The following SH3PXD2B variants were observed in gnomAD, a reference collection of about 807,000 sequenced individuals.
SH3PXD2B encodes the protein SH3 and PX domain-containing protein 2B.
A neutral mutation model predicts 73.1 loss-of-function variants in SH3PXD2B; 37 were observed. That is an observed-to-expected ratio of 0.51 (90% CI 0.39 to 0.67). The LOEUF is 0.67. SH3PXD2B is among the 30% of genes least tolerant of loss of function. The probability of loss-of-function intolerance (pLI) is 0.00; values close to 1 mark genes in which losing one functional copy is unlikely to be tolerated. For missense variants in SH3PXD2B, 1,053 were observed against 1,197.8 expected, an observed-to-expected ratio of 0.88 and a Z score of 1.78; for synonymous variants, 457 against 480.5, an observed-to-expected ratio of 0.95 and a Z score of 0.64.
chr5:172,354,137 G>A, intron 8 of SH3PXD2B, 132 bp from the exon 9 acceptor site: 1 of 830,906 alleles, frequency 1.2e-6, no homozygotes, highest in Non-Finnish European at 2.0e-6. Flanking sequence ...CCCTGGCCCT[G>A]ACCTAGCCCT....
At chr5:172,435,705 C>G (rs876925) in intron 1 of SH3PXD2B, among the ~76,000 whole-genome samples, 57,633 of 152,016 alleles carry the variant, frequency 0.38, 11,143 homozygotes, top group Non-Finnish European at 0.42. Context: ...ATTATAGGTG[C>G]GAGCCATCAC....
At chr5:172,449,721 G>A (rs1189373520) in intron 1 of SH3PXD2B, among the ~76,000 whole-genome samples, 1 of 152,212 alleles carries the variant, frequency 6.6e-6, no homozygotes, top group Non-Finnish European at 1.5e-5. Flanking sequence ...ATGATACGGA[G>A]TGTTAGCAAG....
intron 6 of SH3PXD2B, among the ~76,000 whole-genome samples, chr5:172,372,477 C>G (rs74958968): frequency 0.011 from 1,655 of 152,218 alleles, 24 homozygotes; most frequent in African/African-American, 0.037. Context: ...GAACGATGAG[C>G]CAATGAAACC....
intron 1 of SH3PXD2B, among the ~76,000 whole-genome samples, chr5:172,439,692 G>GCGCGCGCACACACACACACACACA (rs1554087696): frequency 7.2e-6 from 1 of 138,542 alleles, no homozygotes; most frequent in Non-Finnish European, 1.6e-5. Context: ...GCACGCGCGC[G>GCGCGCGCACACACACACACACACA]CACACACACA....
In SH3PXD2B at chr5:172,422,510, AGAG is replaced by A. The variant is rs1424952331; in HGVS notation, c.76-17_76-15del. 3 of 1,608,418 alleles carry A rather than the reference AGAG, an allele frequency of 1.9e-6. No individual in the cohort carries two copies. Among genetic ancestry groups the A allele is most frequent in the South Asian group, 2.2e-5 (2 of 89,888 alleles). ...GATGATGTAGACCTGCGGGAGCAAC[AGAG>A]GAGATGGGTGTTAACACCAGAAGGT... On this transcript the variant is annotated splice_polypyrimidine_tract_variant and intron_variant, in intron 1 of 12. Transcript: ENST00000311601.
chr5:172,416,696 CTTTTTTTTTTTTTTTTTTT>C (rs202242720), intron 2 of SH3PXD2B, among the ~76,000 whole-genome samples: 4 of 62,250 alleles, frequency 6.4e-5, no homozygotes, highest in African/African-American at 2.4e-4. Context: ...CTCTCTCTCT[CTTTTTTTTTTTTTTTTTTT>C]TTTTTTTTTT....
At chr5:172,422,586 GA>G in intron 1 of SH3PXD2B, 90 bp from the exon 2 acceptor site, 1 of 1,258,328 alleles carries the variant, frequency 7.9e-7, no homozygotes, top group Non-Finnish European at 1.1e-6. Context: ...CTCAGAGTCA[GA>G]AAGACGTGGG....
chr5:172,374,742 A>C (rs1224329951), intron 5 of SH3PXD2B, among the ~76,000 whole-genome samples: 2 of 152,166 alleles, frequency 1.3e-5, no homozygotes, highest in African/African-American at 4.8e-5. Context: ...AGGGCTTACA[A>C]AGCACTTTAA....
At chr5:172,369,723 G>A (rs967892445) in intron 6 of SH3PXD2B, among the ~76,000 whole-genome samples, 9 of 152,044 alleles carry the variant, frequency 5.9e-5, no homozygotes, top group Admixed American at 2.0e-4. Flanking sequence ...AGCCGAGATC[G>A]CACCACTGAA....
chr5:172,350,198 GATCTGGAATA>G (rs1757127309), intron 10 of SH3PXD2B, among the ~76,000 whole-genome samples, 155 bp downstream of exon 10: 1 of 152,170 alleles, frequency 6.6e-6, no homozygotes, highest in African/African-American at 2.4e-5. Flanking sequence ...CGGGCTGAAT[GATCTGGAATA>G]AGTTACCCGG....
chr5:172,411,445 T>A (rs1758690646), intron 2 of SH3PXD2B, among the ~76,000 whole-genome samples: 2 of 125,300 alleles, frequency 1.6e-5, no homozygotes, highest in South Asian at 5.0e-4. Context: ...CTGAAAGGCC[T>A]CCCTTTGTTT....
intron 1 of SH3PXD2B, among the ~76,000 whole-genome samples, chr5:172,450,178 A>G (rs1464230760): frequency 2.6e-5 from 4 of 152,126 alleles, no homozygotes; most frequent in African/African-American, 9.7e-5. Context: ...TGAATTGCAC[A>G]CTTACAATGG....
chr5:172,360,116 T>C (rs1541916), intron 7 of SH3PXD2B, among the ~76,000 whole-genome samples: 58,470 of 152,050 alleles, frequency 0.38, 11,643 homozygotes, highest in East Asian at 0.65. Context: ...ATAATAAATA[T>C]GTGCTGTCGG....
In SH3PXD2B at chr5:172,454,263, C is replaced by G; in HGVS notation, c.75+15G>C. 1.3e-6 allele frequency: 2 copies of G among 1,592,800 alleles called. No homozygotes were observed. The highest frequency in any genetic ancestry group is 1.7e-6 in the Non-Finnish European group (2 of 1,172,972). Reference sequence around the variant, plus strand: ...GCGCGGGCTCAAGGGGGCGTGGGGGCCGCGCCGCACTCACATAATGCTTGT... The same window carrying G: ...GCGCGGGCTCAAGGGGGCGTGGGGGGCGCGCCGCACTCACATAATGCTTGT... On this transcript the variant is annotated intron_variant, in intron 1 of 12. Transcript: ENST00000311601.
chr5:172,440,587 C>A (rs1759533265), intron 1 of SH3PXD2B, among the ~76,000 whole-genome samples: 1 of 152,192 alleles, frequency 6.6e-6, no homozygotes, highest in Admixed American at 6.5e-5. Flanking sequence ...CTGCAGAAGT[C>A]AAGACAGTTC....
At chr5:172,343,100 T>C (rs1756895573) in intron 12 of SH3PXD2B, among the ~76,000 whole-genome samples, 1 of 152,228 alleles carries the variant, frequency 6.6e-6, no homozygotes, top group Non-Finnish European at 1.5e-5. Flanking sequence ...GCTGCTGCGA[T>C]TAAATTAGAG....
chr5:172,431,841 C>CT (rs1308730611), intron 1 of SH3PXD2B, among the ~76,000 whole-genome samples: 3 of 152,226 alleles, frequency 2.0e-5, no homozygotes, highest in Non-Finnish European at 2.9e-5. Flanking sequence ...CAATACATAA[C>CT]TTTGTTGCGT....
intron 3 of SH3PXD2B, among the ~76,000 whole-genome samples, chr5:172,399,113 C>A (rs1177818237): frequency 6.6e-6 from 1 of 152,208 alleles, no homozygotes; most frequent in Non-Finnish European, 1.5e-5. Flanking sequence ...GCTTGAAGTT[C>A]AAGCTGCCTT....
chr5:172,441,708 A>G (rs542271058), intron 1 of SH3PXD2B, among the ~76,000 whole-genome samples: 90 of 152,214 alleles, frequency 5.9e-4, no homozygotes, highest in African/African-American at 1.4e-3. Context: ...CAATGCCCCA[A>G]CCGAATCCAG....
Sources: allele counts gnomAD v4.1 joint callset (sites outside exome capture counted in the v4.1 genomes callset), GRCh38; gene constraint gnomAD v4.1.1; transcripts MANE v1.5; gene names NCBI Gene and HGNC (gene_info 2026-07-23, HGNC 2026-07-21).